Variants in ATE1 observed in about 807,000 individuals in gnomAD.
The protein encoded by ATE1 is arginyltransferase 1.
ATE1 carries 36 observed loss-of-function variants against 70.5 expected under a neutral mutation model. That is an observed-to-expected ratio of 0.51 (90% CI 0.39 to 0.67). The LOEUF is 0.67. Ranked by LOEUF, ATE1 falls within the 30% of genes least tolerant of loss-of-function variation. ATE1 has a pLI of 0.00. For missense variants in ATE1, 593 were observed against 629.5 expected, an observed-to-expected ratio of 0.94 and a Z score of 0.62; for synonymous variants, 232 against 219.3, an observed-to-expected ratio of 1.06 and a Z score of -0.51.
intron 3 of ATE1, among the ~76,000 whole-genome samples, chr10:121,915,214 T>A (rs765107439): frequency 2.7e-4 from 41 of 152,232 alleles, no homozygotes; most frequent in Non-Finnish European, 5.3e-4. Context: ...TAACAAGGTG[T>A]TATTAAATAA....
At chr10:121,789,324 A>G (rs573451811) in intron 11 of ATE1, among the ~76,000 whole-genome samples, 5 of 89,610 alleles carry the variant, frequency 5.6e-5, no homozygotes, top group African/African-American at 1.7e-4. Context: ...TTTGAGACAG[A>G]GTCTTACACT....
At chr10:121,833,484 T>C (rs1948323589) in intron 10 of ATE1, among the ~76,000 whole-genome samples, 1 of 152,158 alleles carries the variant, frequency 6.6e-6, no homozygotes, top group Non-Finnish European at 1.5e-5. Flanking sequence ...ATGGAATGTA[T>C]GCACAGGAGA....
At chr10:121,913,109 G>A (rs1055438490) in intron 4 of ATE1, among the ~76,000 whole-genome samples, 2 of 152,114 alleles carry the variant, frequency 1.3e-5, no homozygotes, top group African/African-American at 4.8e-5. Flanking sequence ...TCCATCTCCT[G>A]ACCTCATGAT....
At chr10:121,768,231 T>C (rs1357116661) in intron 11 of ATE1, among the ~76,000 whole-genome samples, 1 of 152,188 alleles carries the variant, frequency 6.6e-6, no homozygotes, top group South Asian at 2.1e-4. Flanking sequence ...GTCACAGAGT[T>C]TGTTTTGCAA....
At chr10:121,870,740 ATAT>A (rs1949825396) in intron 7 of ATE1, among the ~76,000 whole-genome samples, 1 of 152,164 alleles carries the variant, frequency 6.6e-6, no homozygotes, top group Non-Finnish European at 1.5e-5. Flanking sequence ...TTAAATAAAC[ATAT>A]TATAGAGGGG....
rs779797942 is a variant in ATE1 at position 121,902,398 on chromosome 10, T to G, written c.806A>C (p.Lys269Thr). The G allele has an allele frequency of 1.5e-5, 24 of 1,613,432 alleles. No homozygotes were observed. Among genetic ancestry groups the G allele is most frequent in the Admixed American group, 3.3e-5 (2 of 59,952 alleles). ...AAAAGTCCTCCAAAGTACCTCTAAC[T>G]TGTGTGATGCATTCTCTGGTAAAGA... ...FESLPENASH[K>T]LEVRVVRSSP... Residue 269 changes from lysine (K) to threonine (T), a missense_variant, in exon 6 of 12, where the codon AAG (lysine) becomes ACG (threonine). Transcript: ENST00000224652.
chr10:121,901,184 T>C (rs563364847), intron 6 of ATE1, among the ~76,000 whole-genome samples: 6 of 152,018 alleles, frequency 3.9e-5, no homozygotes, highest in Non-Finnish European at 7.4e-5. Context: ...GGAGAATCGC[T>C]TGAACCCAGG....
At chr10:121,790,976 A>G (rs1446505299) in intron 10 of ATE1, among the ~76,000 whole-genome samples, 2 of 144,914 alleles carry the variant, frequency 1.4e-5, no homozygotes, top group African/African-American at 2.7e-5. Context: ...GTGTGTACAT[A>G]TATGTGTGTA....
At chr10:121,844,316 G>A (rs1005239580) in intron 8 of ATE1, among the ~76,000 whole-genome samples, 10 of 152,180 alleles carry the variant, frequency 6.6e-5, no homozygotes, top group African/African-American at 2.2e-4. Flanking sequence ...ACCCCAAGAT[G>A]TACAAATGGC....
chr10:121,881,671 A>C (rs1490174770), intron 7 of ATE1, among the ~76,000 whole-genome samples: 1 of 71,772 alleles, frequency 1.4e-5, no homozygotes, highest in Non-Finnish European at 3.5e-5. Flanking sequence ...CTGTCTCTTA[A>C]AAAAAAAAAA....
At chr10:121,889,568 C>T (rs143553403) in intron 7 of ATE1, among the ~76,000 whole-genome samples, 9 of 152,016 alleles carry the variant, frequency 5.9e-5, no homozygotes, top group African/African-American at 1.7e-4. Flanking sequence ...TTTGAGAGGC[C>T]GAGGCAGAAA....
At chr10:121,774,849 TGAA>T (rs1945668944) in intron 11 of ATE1, among the ~76,000 whole-genome samples, 1 of 151,884 alleles carries the variant, frequency 6.6e-6, no homozygotes, top group Non-Finnish European at 1.5e-5. Context: ...CCCAAAAAAA[TGAA>T]GATTAAAAAA....
At chr10:121,910,785 T>G (rs1477677104) in intron 5 of ATE1, 121 bp downstream of exon 5, 1 of 1,299,284 alleles carries the variant, frequency 7.7e-7, no homozygotes. Flanking sequence ...CAAAGCAGGG[T>G]TCTGTTTTAC....
chr10:121,746,929 G>A (rs182202088), intron 11 of ATE1, among the ~76,000 whole-genome samples: 1 of 152,310 alleles, frequency 6.6e-6, no homozygotes, highest in East Asian at 1.9e-4. Context: ...CAGAGGCTTA[G>A]CTGATCTCAG....
intron 7 of ATE1, among the ~76,000 whole-genome samples, chr10:121,891,302 T>G (rs1950571013): frequency 6.6e-6 from 1 of 152,116 alleles, no homozygotes; most frequent in Non-Finnish European, 1.5e-5. Context: ...AGTCTTTTAT[T>G]ATGCAAATGT....
At chr10:121,905,760 G>A (rs529662927) in intron 5 of ATE1, among the ~76,000 whole-genome samples, 61 of 152,044 alleles carry the variant, frequency 4.0e-4, no homozygotes, top group Non-Finnish European at 7.1e-4. Context: ...CAGGAGAATC[G>A]CTCAAACCCA....
At chr10:121,844,452 T>G (rs1948742480) in intron 8 of ATE1, among the ~76,000 whole-genome samples, 1 of 152,116 alleles carries the variant, frequency 6.6e-6, no homozygotes, top group Non-Finnish European at 1.5e-5. Context: ...TACCAAATGC[T>G]GGTAAGGATG....
intron 11 of ATE1, among the ~76,000 whole-genome samples, chr10:121,774,592 C>T (rs1945655706): frequency 6.6e-6 from 1 of 152,134 alleles, no homozygotes; most frequent in Admixed American, 6.5e-5. Context: ...AGTATTATTA[C>T]AGAGCTTTAC....
chr10:121,862,350 C>T (rs1003910219), intron 8 of ATE1, among the ~76,000 whole-genome samples: 2 of 151,746 alleles, frequency 1.3e-5, no homozygotes, highest in Non-Finnish European at 2.9e-5. Context: ...ATACTTCTTA[C>T]GTTGACAGAC....
Sources: allele counts gnomAD v4.1 joint callset (sites outside exome capture counted in the v4.1 genomes callset), GRCh38; gene constraint gnomAD v4.1.1; transcripts MANE v1.5; gene names NCBI Gene and HGNC (gene_info 2026-07-23, HGNC 2026-07-21).